Variants in EPHX4 observed in about 807,000 individuals in gnomAD.
EPHX4 encodes the protein epoxide hydrolase 4.
A neutral mutation model predicts 44.9 loss-of-function variants in EPHX4; 31 were observed. That is an observed-to-expected ratio of 0.69 (90% CI 0.52 to 0.93). The LOEUF (loss-of-function observed/expected upper bound fraction) is 0.93. Among genes scored for constraint, EPHX4 ranks in the 40% least tolerant of loss-of-function variants. The pLI, the probability that EPHX4 is intolerant of heterozygous loss-of-function variation, is 0.00. For missense variants in EPHX4, 373 were observed against 438.1 expected (o/e 0.85, Z 1.33); for synonymous variants, 151 against 159.7 (o/e 0.95, Z 0.41).
chr1:92,035,461 G>A (rs1230898099), intron 2 of EPHX4, among the ~76,000 whole-genome samples: 2 of 152,160 alleles, frequency 1.3e-5, no homozygotes, highest in Non-Finnish European at 1.5e-5. Flanking sequence ...AATCTTTCAC[G>A]TGGCCCCAGT....
At chr1:92,045,775 G>T in intron 4 of EPHX4, 115 bp downstream of exon 4, 2 of 1,164,722 alleles carry the variant, frequency 1.7e-6, no homozygotes, top group Admixed American at 2.0e-5. Flanking sequence ...AAAATTAAAT[G>T]ACTAAACCAT....
intron 6 of EPHX4, among the ~76,000 whole-genome samples, chr1:92,054,391 C>T (rs1431442409): frequency 6.6e-6 from 1 of 152,054 alleles, no homozygotes; most frequent in African/African-American, 2.4e-5. Flanking sequence ...GAGTTCGAGA[C>T]CAGTCTGGCC....
At chr1:92,053,742 T>A (rs1481752874) in intron 6 of EPHX4, among the ~76,000 whole-genome samples, 1 of 152,106 alleles carries the variant, frequency 6.6e-6, no homozygotes, top group African/African-American at 2.4e-5. Context: ...TGCAGCAGTA[T>A]GGATAAGCAT....
chr1:92,033,358 A>T (rs1319007123), intron 2 of EPHX4, among the ~76,000 whole-genome samples: 1 of 152,180 alleles, frequency 6.6e-6, no homozygotes, highest in East Asian at 1.9e-4. Flanking sequence ...TTTGAGGATT[A>T]AAAGAAGTAT....
intron 5 of EPHX4, among the ~76,000 whole-genome samples, chr1:92,050,809 G>C (rs1647236482): frequency 6.6e-6 from 1 of 151,600 alleles, no homozygotes; most frequent in Admixed American, 6.6e-5. Flanking sequence ...TCATATGCAA[G>C]TATCTTGGAA....
chr1:92,063,376 A>G lies in EPHX4; in HGVS notation c.*90A>G, dbSNP rs1647541040. 9.6e-7 allele frequency: 1 copy of G among 1,041,726 alleles called. No homozygotes were observed. The highest frequency in any genetic ancestry group is 1.6e-5 in the African/African-American group (1 of 62,300). 64.5% of individuals were successfully genotyped at this position (1,041,726 alleles called of 1,614,324 possible). ...TCAACTTCTTTATGTTTTATTAGAA[A>G]AAAACTGTTTTAATGTGCTTTATCA... On this transcript the variant is annotated 3_prime_UTR_variant, in exon 7 of 7. Coordinates refer to ENST00000370383, the MANE Select transcript of EPHX4 (RefSeq NM_173567.5).
In EPHX4 at chr1:92,029,997, G is replaced by T; in HGVS notation, c.-83G>T. On this transcript the variant is annotated 5_prime_UTR_variant, in exon 1 of 7. Coordinates refer to ENST00000370383, the MANE Select transcript of EPHX4 (RefSeq NM_173567.5). ...GGCCGGGGGAGGCGCGCGTCGAGAGGCGACGGCGGGCTGGCCTGGCGCGCT... is the reference window on the plus strand; with the variant it reads ...GGCCGGGGGAGGCGCGCGTCGAGAGTCGACGGCGGGCTGGCCTGGCGCGCT... 1.0e-6 allele frequency: 1 copy of T among 983,896 alleles called. No homozygotes were observed. 60.9% of individuals were successfully genotyped at this position (983,896 alleles called of 1,614,324 possible).
intron 6 of EPHX4, among the ~76,000 whole-genome samples, chr1:92,059,861 T>G (rs1441424628): frequency 4.6e-5 from 7 of 151,994 alleles, no homozygotes; most frequent in Non-Finnish European, 8.8e-5. Flanking sequence ...TAGAGAAGTT[T>G]TTTTTTTTTC....
chr1:92,052,544 G>T lies in EPHX4; in HGVS notation c.743G>T (p.Gly248Val), dbSNP rs747257900. 3 of 1,611,054 alleles carry T rather than the reference G, an allele frequency of 1.9e-6. No individual in the cohort carries two copies. The highest frequency in any genetic ancestry group is 2.5e-6 in the Non-Finnish European group (3 of 1,178,910). The change falls in exon 6 of 7, where the codon GGC becomes GTC. Residue 248 changes from glycine (G) to valine (V), a missense_variant. Physicochemically the swap from Gly to Val is moderately radical, Grantham distance 109. Coordinates refer to ENST00000370383, the MANE Select transcript of EPHX4 (RefSeq NM_173567.5). ...CATCTGTTTACCAGTCACAGCACTG[G>T]CATTGGAAGAAAAGGATGCCAATTA... ...LKHLFTSHST[G>V]IGRKGCQLTT...
In EPHX4 at chr1:92,063,088, T is replaced by C; in HGVS notation, c.891T>C (p.Thr297=). 2.5e-6 allele frequency: 4 copies of C among 1,614,074 alleles called. No individual in the cohort carries two copies. Among genetic ancestry groups the C allele is most frequent in the Non-Finnish European group, 3.4e-6 (4 of 1,179,996 alleles). ...CLPLKHHMVT[T]PTLLLWGEND... ...CTCTCAAACATCACATGGTGACCAC[T>C]CCAACACTACTACTGTGGGGAGAGA... The change falls in exon 7 of 7, where the codon ACT becomes ACC. Residue 297 remains threonine (T), a synonymous_variant. Coordinates refer to ENST00000370383, the MANE Select transcript of EPHX4 (RefSeq NM_173567.5).
chr1:92,043,651 C>G (rs1261722683), intron 3 of EPHX4: 1 of 152,168 alleles, frequency 6.6e-6, no homozygotes, highest in African/African-American at 2.4e-5. Context: ...GTGGAACAAA[C>G]CACCCCAGAT....
chr1:92,042,789 T>G, intron 2 of EPHX4, 34 bp from the exon 3 acceptor site: 1 of 1,547,912 alleles, frequency 6.5e-7, no homozygotes, highest in Non-Finnish European at 8.8e-7. Flanking sequence ...TACTAGCTAA[T>G]ATGATATTTT....
chr1:92,037,695 A>G (rs901376072), intron 2 of EPHX4, among the ~76,000 whole-genome samples: 6 of 152,222 alleles, frequency 3.9e-5, no homozygotes, highest in South Asian at 4.1e-4. Flanking sequence ...AGGATAGTCT[A>G]CATCTGAAAG....
chr1:92,042,864 A>G lies in EPHX4; in HGVS notation c.359A>G (p.Tyr120Cys), dbSNP rs1427612776. The change falls in exon 3 of 7, where the codon TAT (tyrosine) becomes TGT (cysteine). Residue 120 changes from tyrosine to cysteine, a missense_variant. Transcript: ENST00000370383. Reference protein sequence around the residue: ...RYQLREFKSEYRVVALDLRGY... With the variant: ...RYQLREFKSECRVVALDLRGY... ...CAACTGAGAGAATTTAAAAGTGAAT[A>G]TCGAGTTGTAGCACTGGATTTGAGA... The G allele has an allele frequency of 2.5e-6, 4 of 1,612,092 alleles. No homozygotes were observed. In the South Asian group the frequency reaches 3.3e-5, roughly 13 times the overall value.
chr1:92,031,520 T>A (rs1275997684), intron 1 of EPHX4, among the ~76,000 whole-genome samples: 1 of 152,180 alleles, frequency 6.6e-6, no homozygotes, highest in Non-Finnish European at 1.5e-5. Flanking sequence ...TCCTGGGAGT[T>A]AGGACAAGAT....
In EPHX4 at chr1:92,030,274, C is replaced by T; in HGVS notation, c.195C>T (p.Asp65=). The T allele has an allele frequency of 6.3e-7, 1 of 1,599,124 alleles. No homozygotes were observed. Among genetic ancestry groups the T allele is most frequent in the South Asian group, 1.1e-5 (1 of 89,212 alleles). The part of the protein sequence containing the change: ...AREHPPACLS[D]PSLGTHCYVR... ...AGCACCCTCCCGCGTGCCTGAGCGA[C>T]CCCTCCTTGGGCACCCACTGCTACG... The change falls in exon 1 of 7, where the codon GAC becomes GAT. Residue 65 remains aspartate (D), a synonymous_variant. Coordinates refer to ENST00000370383, the MANE Select transcript of EPHX4 (RefSeq NM_173567.5).
chr1:92,044,394 G>T (rs888247253), intron 3 of EPHX4, among the ~76,000 whole-genome samples: 7 of 152,170 alleles, frequency 4.6e-5, no homozygotes, highest in African/African-American at 1.7e-4. Context: ...CAAGATTTAT[G>T]CATGTGTGTT....
intron 5 of EPHX4, among the ~76,000 whole-genome samples, chr1:92,052,227 C>T (rs1647276965): frequency 6.6e-6 from 1 of 152,114 alleles, no homozygotes; most frequent in South Asian, 2.1e-4. Context: ...AACTCTTGAG[C>T]TGGGCCTTGT....
At position 92,050,458 on chromosome 1, in the gene EPHX4, T is replaced by A. The variant is rs751260926; in HGVS notation, c.708+38T>A. The A allele has an allele frequency of 4.6e-6, 5 of 1,082,682 alleles. No individual in the cohort carries two copies. The African/African-American group carries it at 8.2e-5, about 18-fold the overall frequency. 67.1% of individuals were successfully genotyped at this position (1,082,682 alleles called of 1,614,324 possible). A position where few individuals can be genotyped will look rare whatever the true frequency, so the allele number is the denominator to read the frequency against. On this transcript the variant is annotated intron_variant, in intron 5 of 6. Transcript: ENST00000370383. ...AATCAAACAAATAATGTATTATTATTATTATTAATGAAAAATATTTTAAAG... is the reference window on the plus strand; with the variant it reads ...AATCAAACAAATAATGTATTATTATAATTATTAATGAAAAATATTTTAAAG...
Sources: gnomAD v4.1 joint callset for allele counts (sites outside exome capture counted in the v4.1 genomes callset) on GRCh38, gnomAD v4.1.1 for gene constraint, MANE v1.5 for transcripts, NCBI Gene and HGNC (gene_info 2026-07-23, HGNC 2026-07-21) for gene names.